Variants in DOCK4 observed in about 807,000 individuals in gnomAD.
DOCK4 encodes the protein dedicator of cytokinesis protein 4.
In DOCK4, 97 loss-of-function variants were observed where a neutral mutation model predicts 268.1. That is an observed-to-expected ratio of 0.36 (90% confidence interval 0.31 to 0.43). DOCK4 has a LOEUF of 0.43. DOCK4 is among the 20% of genes least tolerant of loss of function. The probability of loss-of-function intolerance (pLI) is 1.00; values close to 1 mark genes in which losing one functional copy is unlikely to be tolerated. For missense variants in DOCK4, 2,145 were observed against 2,455.7 expected (o/e 0.87, Z 2.67); for synonymous variants, 954 against 887.2 (o/e 1.08, Z -1.34).
chr7:112,170,187 C>A (rs1421178946), intron 1 of DOCK4, among the ~76,000 whole-genome samples: 1 of 152,092 alleles, frequency 6.6e-6, no homozygotes, highest in Non-Finnish European at 1.5e-5. Context: ...GGCACAGTGA[C>A]CACCGGTAAT....
intron 32 of DOCK4, among the ~76,000 whole-genome samples, chr7:111,787,557 TAATTTTCTTAA>T (rs1351298970): frequency 6.6e-6 from 1 of 152,326 alleles, no homozygotes; most frequent in East Asian, 1.9e-4. Context: ...CCTTTTAATG[TAATTTTCTTAA>T]AAGCTTCAAG....
At position 111,739,490 on chromosome 7, in the gene DOCK4, A is replaced by C. The variant is rs773278922; in HGVS notation, c.5041-13T>G. On this transcript the variant is annotated splice_polypyrimidine_tract_variant and intron_variant, in intron 47 of 52. Coordinates refer to ENST00000428084, the MANE Select transcript of DOCK4 (RefSeq NM_001363540.2). ...TAGATGGACTTGGCTGGAAACACAC[A>C]GGGAGCTATTATCATACCCTGATTA... 28 of 1,557,400 alleles carry C rather than the reference A, an allele frequency of 1.8e-5. No individual in the cohort carries two copies. Among genetic ancestry groups the C allele is most frequent in the Non-Finnish European group, 2.4e-5 (28 of 1,149,880 alleles).
At chr7:111,732,540 A>G in intron 51 of DOCK4, 1 of 528,618 alleles carries the variant, frequency 1.9e-6, no homozygotes, top group East Asian at 3.3e-5. Flanking sequence ...TTGACTATTG[A>G]CAGGTTCCCA....
chr7:111,947,787 A>G (rs1230342585), intron 8 of DOCK4, among the ~76,000 whole-genome samples: 1 of 152,076 alleles, frequency 6.6e-6, no homozygotes, highest in Non-Finnish European at 1.5e-5. Flanking sequence ...ACAGTGGCAC[A>G]ATCTCGGCTC....
chr7:111,926,177 A>C (rs1231291424), intron 12 of DOCK4, among the ~76,000 whole-genome samples: 1 of 139,912 alleles, frequency 7.1e-6, no homozygotes, highest in Non-Finnish European at 1.5e-5. Context: ...AGAAGGAAGG[A>C]AGGCGGGCAA....
intron 8 of DOCK4, among the ~76,000 whole-genome samples, chr7:111,959,345 C>T (rs17159053): frequency 0.11 from 16,932 of 152,138 alleles, 1,415 homozygotes; most frequent in East Asian, 0.36. Context: ...TACTGCTCTG[C>T]TTTGGAGACG....
intron 52 of DOCK4, among the ~76,000 whole-genome samples, chr7:111,731,966 A>C (rs1489442005): frequency 6.6e-6 from 1 of 152,146 alleles, no homozygotes; most frequent in Non-Finnish European, 1.5e-5. Flanking sequence ...ATATGCACTG[A>C]CTTCAGTCTG....
chr7:111,898,473 T>C (rs1490005402), intron 15 of DOCK4, among the ~76,000 whole-genome samples: 1 of 152,234 alleles, frequency 6.6e-6, no homozygotes, highest in African/African-American at 2.4e-5. Flanking sequence ...CTATCTGATG[T>C]ACTATGTACT....
intron 27 of DOCK4, among the ~76,000 whole-genome samples, chr7:111,814,130 C>CTGTGACATAGACTGTGGCGT (rs1801358554): frequency 6.6e-6 from 1 of 152,080 alleles, no homozygotes; most frequent in African/African-American, 2.4e-5. Flanking sequence ...GACTATCACG[C>CTGTGACATAGACTGTGGCGT]CAAATGTCAC....
chr7:112,046,795 T>G (rs1003438772), intron 1 of DOCK4, among the ~76,000 whole-genome samples: 3 of 152,158 alleles, frequency 2.0e-5, no homozygotes, highest in African/African-American at 7.2e-5. Flanking sequence ...GCTTACTCCC[T>G]TGATAGAGGG....
At chr7:111,822,504 C>A in intron 26 of DOCK4, 48 bp from the exon 27 acceptor site, 1 of 1,472,806 alleles carries the variant, frequency 6.8e-7, no homozygotes, top group South Asian at 1.2e-5. Flanking sequence ...TTGTAACTGT[C>A]AACATACATA....
rs1378177217 is a variant in DOCK4 at position 111,811,864 on chromosome 7, G to C, written c.3006+10C>G. On this transcript the variant is annotated intron_variant, in intron 28 of 52. Coordinates refer to ENST00000428084, the MANE Select transcript of DOCK4 (RefSeq NM_001363540.2). ...GCCCAAGCAGGAGAGTCATATAAAT[G>C]AATGCTTACCTTATAATCAAAGTTT... 2.7e-6 allele frequency: 4 copies of C among 1,460,610 alleles called. No individual in the cohort carries two copies. The African/African-American group carries it at 4.2e-5, about 15-fold the overall frequency. The allele number at this position is 1,460,610 out of a possible 1,614,324, so 90.5% of individuals were successfully genotyped here.
At chr7:111,857,487 T>G (rs1209092379) in intron 23 of DOCK4, among the ~76,000 whole-genome samples, 2 of 152,210 alleles carry the variant, frequency 1.3e-5, no homozygotes, top group Non-Finnish European at 2.9e-5. Flanking sequence ...ACATGATCAG[T>G]GCCTTTAGGT....
At chr7:112,118,428 T>C (rs1489468469) in intron 1 of DOCK4, among the ~76,000 whole-genome samples, 1 of 152,070 alleles carries the variant, frequency 6.6e-6, no homozygotes, top group Non-Finnish European at 1.5e-5. Flanking sequence ...GATTTCAGAG[T>C]AATTTGAAAA....
intron 37 of DOCK4, among the ~76,000 whole-genome samples, chr7:111,767,936 A>C (rs187158592): frequency 1.3e-5 from 2 of 152,250 alleles, no homozygotes; most frequent in Non-Finnish European, 2.9e-5. Flanking sequence ...AAAGGGCCAG[A>C]AAGTCAAAAC....
chr7:112,006,999 G>A (rs1214130314), intron 1 of DOCK4, among the ~76,000 whole-genome samples: 2 of 152,136 alleles, frequency 1.3e-5, no homozygotes, highest in Non-Finnish European at 2.9e-5. Context: ...TCTCTATTTA[G>A]GGGGTTGCCT....
intron 23 of DOCK4, among the ~76,000 whole-genome samples, chr7:111,848,100 T>C (rs1368845274): frequency 6.6e-6 from 1 of 152,210 alleles, no homozygotes; most frequent in African/African-American, 2.4e-5. Context: ...TTGCCTTGAA[T>C]TATTTCTAGG....
chr7:111,876,594 C>T (rs1304223870), intron 17 of DOCK4, among the ~76,000 whole-genome samples: 2 of 152,126 alleles, frequency 1.3e-5, no homozygotes, highest in African/African-American at 4.8e-5. Flanking sequence ...CTTTATTAAT[C>T]ATAACTTGCT....
Position 111,851,444 on chromosome 7 carries a change from CA to C in DOCK4, c.2474-4319del, listed in dbSNP as rs71524820. On this transcript the variant is annotated intron_variant, in intron 23 of 52. Transcript: ENST00000428084. Reference sequence around the variant, plus strand: ...TGGGAGACAGAGCAAGACTCCATCTCAAAAAAAAAAAAAAAAAAAAAATTTC... The same window carrying C: ...TGGGAGACAGAGCAAGACTCCATCTCAAAAAAAAAAAAAAAAAAAAATTTC... 7.4e-3 allele frequency among the ~76,000 whole-genome samples: 541 copies of C among 73,098 alleles called. 2 individuals are homozygous for C. The highest frequency in any genetic ancestry group is 0.056 in the South Asian group (108 of 1,938). The allele number at this position is 73,098 out of a possible 152,430, so 48.0% of individuals were successfully genotyped here.
Sources: gnomAD v4.1 joint callset for allele counts (sites outside exome capture counted in the v4.1 genomes callset) on GRCh38, gnomAD v4.1.1 for gene constraint, MANE v1.5 for transcripts, NCBI Gene and HGNC (gene_info 2026-07-23, HGNC 2026-07-21) for gene names.